Variants in MYO6 observed in about 807,000 individuals in gnomAD.
MYO6 encodes unconventional myosin-VI.
A neutral mutation model predicts 178.7 loss-of-function variants in MYO6; 74 were observed. The observed-to-expected ratio is 0.41, with a 90% CI of 0.34 to 0.50. MYO6 has a LOEUF of 0.50. Among genes scored for constraint, MYO6 ranks in the 20% least tolerant of loss-of-function variants. The pLI is 0.09. For synonymous variants in MYO6, 477 were observed against 504.6 expected (o/e 0.95, Z 0.73); for missense variants, 1,330 against 1,547.4 (o/e 0.86, Z 2.36).
chr6:75,794,837 G>A (rs2150098025), intron 1 of MYO6, among the ~76,000 whole-genome samples: 1 of 152,132 alleles, frequency 6.6e-6, no homozygotes, highest in Non-Finnish European at 1.5e-5. Flanking sequence ...AATATTGAAT[G>A]GACCTTGTGA....
intron 1 of MYO6, among the ~76,000 whole-genome samples, chr6:75,804,571 C>T (rs1769812783): frequency 6.6e-6 from 1 of 151,828 alleles, no homozygotes; most frequent in Non-Finnish European, 1.5e-5. Context: ...GTTTACTCTT[C>T]TATTCTAACT....
intron 1 of MYO6, among the ~76,000 whole-genome samples, chr6:75,813,685 C>T (rs965125999): frequency 1.3e-5 from 2 of 152,210 alleles, no homozygotes; most frequent in Non-Finnish European, 2.9e-5. Flanking sequence ...ACCTGTGACC[C>T]GTGGTGAGTA....
At chr6:75,914,737 GT>G in intron 34 of MYO6, 75 bp from the exon 35 acceptor site, 1 of 1,320,196 alleles carries the variant, frequency 7.6e-7, no homozygotes, top group Admixed American at 1.7e-5. Context: ...GAATTAATAG[GT>G]ATTTCAGGCA....
intron 1 of MYO6, among the ~76,000 whole-genome samples, chr6:75,768,825 A>G (rs1778669128): frequency 6.6e-6 from 1 of 152,162 alleles, no homozygotes; most frequent in Non-Finnish European, 1.5e-5. Context: ...TGTTGCTGTA[A>G]AGGAATGCCT....
intron 1 of MYO6, among the ~76,000 whole-genome samples, chr6:75,807,361 A>T (rs1031197572): frequency 6.6e-6 from 1 of 152,074 alleles, no homozygotes; most frequent in African/African-American, 2.4e-5. Context: ...GGAAATTTTG[A>T]CTAGACTCTA....
rs1276057922 is a variant in MYO6 at position 75,917,787 on chromosome 6, G to A, written c.*2775G>A. On this transcript the variant is annotated 3_prime_UTR_variant, in exon 35 of 35. Coordinates refer to ENST00000369977, the MANE Select transcript of MYO6 (RefSeq NM_004999.4). Reference sequence around the variant, plus strand: ...ATCCACAGGCAAGAATAATGGTATTGTTTGTAGAGCTTTATTAATTGGATA... The same window carrying A: ...ATCCACAGGCAAGAATAATGGTATTATTTGTAGAGCTTTATTAATTGGATA... 1 of 152,608 alleles carries A rather than the reference G, an allele frequency of 6.6e-6. No homozygotes were observed. Among genetic ancestry groups the A allele is most frequent in the Non-Finnish European group, 1.5e-5 (1 of 68,022 alleles). 9.5% of individuals were successfully genotyped at this position (152,608 alleles called of 1,614,324 possible). A position where few individuals can be genotyped will look rare whatever the true frequency, so the allele number is the denominator to read the frequency against.
intron 1 of MYO6, among the ~76,000 whole-genome samples, chr6:75,761,624 C>CACACAG (rs1011319931): frequency 1.3e-5 from 2 of 150,954 alleles, no homozygotes; most frequent in African/African-American, 4.9e-5. Context: ...CACACACACA[C>CACACAG]ACAGACACAT....
In MYO6 at chr6:75,918,105, C is replaced by G. The variant is rs1236806311; in HGVS notation, c.*3093C>G. 6.6e-6 allele frequency: 1 copy of G among 152,196 alleles called. No individual in the cohort carries two copies. The highest frequency in any genetic ancestry group is 1.5e-5 in the Non-Finnish European group (1 of 68,032). 9.4% of individuals were successfully genotyped at this position (152,196 alleles called of 1,614,324 possible). A position where few individuals can be genotyped will look rare whatever the true frequency, so the allele number is the denominator to read the frequency against. The stretch of plus-strand genomic sequence containing the variant: ...GTAACAAAAAGAACCAAAACAAACA[C>G]TTTTTAGTGGCACCTGTGGATTTAC... On this transcript the variant is annotated 3_prime_UTR_variant, in exon 35 of 35. Transcript: ENST00000369977.
rs868206702 is a variant in MYO6 at position 75,905,602 on chromosome 6, A to G, written c.3177-2003A>G. 3.9e-5 allele frequency among the ~76,000 whole-genome samples: 6 copies of G among 152,288 alleles called. No homozygotes were observed. The South Asian group carries it at 1.2e-3, about 32-fold the overall frequency. On this transcript the variant is annotated intron_variant, in intron 30 of 34. Coordinates refer to ENST00000369977, the MANE Select transcript of MYO6 (RefSeq NM_004999.4). ...TGGCACACGGTGCGCGCACCCACTG[A>G]CCTGCGCCCACTGTCTGGCACTCCC...
At chr6:75,830,629 G>T (rs1267857776) in intron 5 of MYO6, 84 bp downstream of exon 5, 1 of 1,306,728 alleles carries the variant, frequency 7.7e-7, no homozygotes, top group South Asian at 1.2e-5. Flanking sequence ...ATTAATAAAA[G>T]ATACCATAAA....
Position 75,915,618 on chromosome 6 carries a change from T to G in MYO6, c.*606T>G, listed in dbSNP as rs1217663117. The G allele has an allele frequency of 6.3e-6, 1 of 157,554 alleles. No homozygotes were observed. The highest frequency in any genetic ancestry group is 1.4e-5 in the Non-Finnish European group (1 of 71,032). 9.8% of individuals were successfully genotyped at this position (157,554 alleles called of 1,614,324 possible). A position where few individuals can be genotyped will look rare whatever the true frequency, so the allele number is the denominator to read the frequency against. ...CTAGAAAGAGCCTTAATGTATTTGATGTATTCTGTGATAAGAGGTACTAAT... is the reference window on the plus strand; with the variant it reads ...CTAGAAAGAGCCTTAATGTATTTGAGGTATTCTGTGATAAGAGGTACTAAT... On this transcript the variant is annotated 3_prime_UTR_variant, in exon 35 of 35. Transcript: ENST00000369977.
At chr6:75,816,293 C>T (rs946575106) in intron 1 of MYO6, among the ~76,000 whole-genome samples, 3 of 152,216 alleles carry the variant, frequency 2.0e-5, no homozygotes, top group African/African-American at 7.2e-5. Context: ...CAGGAATAGG[C>T]AGAAACTAAC....
At chr6:75,859,346 C>T (rs146476463) in intron 14 of MYO6, among the ~76,000 whole-genome samples, 134 of 151,990 alleles carry the variant, frequency 8.8e-4, no homozygotes, top group African/African-American at 3.1e-3. Context: ...GTTGCTCAGG[C>T]TGGAGTGCAG....
rs557870727 is a variant in MYO6 at position 75,797,946 on chromosome 6, G to A, written c.-47-19555G>A. Among the ~76,000 whole-genome samples, 4 of 152,276 alleles carry A rather than the reference G, an allele frequency of 2.6e-5. No homozygotes were observed. The East Asian group carries it at 5.8e-4, about 22-fold the overall frequency. On this transcript the variant is annotated intron_variant, in intron 1 of 34. Coordinates refer to ENST00000369977, the MANE Select transcript of MYO6 (RefSeq NM_004999.4). ...TTCTCTTTTCTCTGCAGGCTTGCCA[G>A]CCTCTGTTGTTTTTTTACTTTTTAT...
In MYO6 at chr6:75,908,594, G is replaced by A. The variant is rs777983980; in HGVS notation, c.3379G>A (p.Glu1127Lys). 1.3e-5 allele frequency: 21 copies of A among 1,613,368 alleles called. No individual in the cohort carries two copies. The highest frequency in any genetic ancestry group is 1.7e-5 in the Non-Finnish European group (20 of 1,179,672). Residue 1127 changes from glutamate to lysine, a missense_variant, in exon 32 of 35, where the codon GAG (glutamate) becomes AAG (lysine). Around this residue, in one of 3 missense-constraint regions of MYO6, gnomAD observed 601 missense variants for 626.1 expected, o/e 0.96. Coordinates refer to ENST00000369977, the MANE Select transcript of MYO6 (RefSeq NM_004999.4). ...SKNKKRNTET[E>K]QRAPKSVTDY... ...GAACAAGAAGAGAAATACTGAAACA[G>A]AGCAACGTGCTCCAAAGTCTGTTAC...
intron 1 of MYO6, among the ~76,000 whole-genome samples, chr6:75,801,995 AT>A (rs1769511890): frequency 6.6e-6 from 1 of 152,306 alleles, no homozygotes; most frequent in East Asian, 1.9e-4. Flanking sequence ...TACTTATTGC[AT>A]AATTTGTATG....
chr6:75,898,378 A>G lies in MYO6; in HGVS notation c.3143A>G (p.Gln1048Arg), dbSNP rs761047646. ...DGTRPKMTPE[Q>R]MAKEMSEFLS... ...TATTATCGTTTTTCTTGTAGGGAAC[A>G]AATGGCCAAAGAAATGTCAGAATTT... Residue 1048 changes from glutamine (Q) to arginine (R), a missense_variant, in exon 30 of 35, where the codon CAA becomes CGA. Around this residue, in one of 3 missense-constraint regions of MYO6, gnomAD observed 601 missense variants for 626.1 expected, o/e 0.96. Coordinates refer to ENST00000369977, the MANE Select transcript of MYO6 (RefSeq NM_004999.4). 1.9e-6 allele frequency: 3 copies of G among 1,608,574 alleles called. No individual in the cohort carries two copies. Among genetic ancestry groups the G allele is most frequent in the Non-Finnish European group, 1.7e-6 (2 of 1,175,056 alleles).
At chr6:75,829,957 G>A (rs941422564) in intron 4 of MYO6, among the ~76,000 whole-genome samples, 3 of 152,164 alleles carry the variant, frequency 2.0e-5, no homozygotes, top group African/African-American at 7.2e-5. Context: ...CTCCTTAGTA[G>A]CAGGGTGAAT....
intron 30 of MYO6, among the ~76,000 whole-genome samples, chr6:75,901,534 T>C (rs1779776915): frequency 6.6e-6 from 1 of 152,152 alleles, no homozygotes; most frequent in African/African-American, 2.4e-5. Flanking sequence ...TTGTCTGTTA[T>C]TGGTGTATAA....
Sources: allele counts gnomAD v4.1 joint callset (sites outside exome capture counted in the v4.1 genomes callset), GRCh38; gene constraint gnomAD v4.1.1; regional missense constraint gnomAD v4.1.1; transcripts MANE v1.5; gene names NCBI Gene and HGNC (gene_info 2026-07-23, HGNC 2026-07-21).